KLF8: variants seen among roughly 807,000 people sequenced by gnomAD.
KLF8 encodes Krueppel-like factor 8.
Under a neutral mutation model 18.2 loss-of-function variants are expected in KLF8, and 10 were observed. That is an observed-to-expected ratio of 0.55 (90% confidence interval 0.34 to 0.93). The LOEUF is 0.93. Ranked by LOEUF, KLF8 falls within the 40% of genes least tolerant of loss-of-function variation. KLF8 has a pLI of 0.02. For synonymous variants in KLF8, 109 were observed against 97.3 expected, an observed-to-expected ratio of 1.12 and a Z score of -0.71; for missense variants, 264 against 277.9, an observed-to-expected ratio of 0.95 and a Z score of 0.36.
the KLF8 span, among the ~76,000 whole-genome samples, chrX:56,024,924 T>C: frequency 1.8e-5 from 2 of 112,249 alleles, no homozygotes; most frequent in East Asian, 2.8e-4. Flanking sequence ...GGTCTCTTTT[T>C]CTCTTCTCTC....
At chrX:56,074,094 T>C in the KLF8 span, among the ~76,000 whole-genome samples, 1 of 111,636 alleles carries the variant, frequency 9.0e-6, no homozygotes, top group East Asian at 2.8e-4. Context: ...TTTTTATTTC[T>C]TCTTTGGAAA....
rs2067304163 is a variant in KLF8, at chrX:56,289,729, T to A, written c.*5235T>A. Among the ~76,000 whole-genome samples the A allele has an allele frequency of 9.0e-6, 1 of 111,692 alleles. No individual in the cohort carries two copies. Among genetic ancestry groups the A allele is most frequent in the African/African-American group, 3.3e-5 (1 of 30,678 alleles). On this transcript the variant is annotated 3_prime_UTR_variant, in exon 6 of 6. Coordinates refer to ENST00000468660, the MANE Select transcript of KLF8 (RefSeq NM_007250.5). The stretch of plus-strand genomic sequence containing the variant: ...AATTCAGTGTGCACATATAGCAGTA[T>A]CTGAATTGTTAACCTGTATACCCAT...
the KLF8 span, among the ~76,000 whole-genome samples, chrX:56,021,219 GT>G: frequency 8.9e-6 from 1 of 111,842 alleles, no homozygotes; most frequent in Admixed American, 9.5e-5. Flanking sequence ...TTATTTGTAT[GT>G]ATCTTATTTC....
the KLF8 span, among the ~76,000 whole-genome samples, chrX:56,123,289 A>AAGAC: frequency 2.9e-5 from 3 of 103,528 alleles, no homozygotes; most frequent in African/African-American, 1.3e-4. Flanking sequence ...GAAAGAAAGA[A>AAGAC]AGAAAGAAAG....
the KLF8 span, among the ~76,000 whole-genome samples, chrX:56,189,758 A>G: frequency 9.4e-6 from 1 of 106,889 alleles, no homozygotes; most frequent in African/African-American, 3.4e-5. Flanking sequence ...TTCTCAGTAA[A>G]CTATCACGAG....
chrX:55,989,599 G>A, the KLF8 span, among the ~76,000 whole-genome samples: 2 of 112,132 alleles, frequency 1.8e-5, no homozygotes, highest in South Asian at 3.8e-4. Flanking sequence ...GCTGCATTCG[G>A]TTTGTCAGTA....
chrX:56,077,693 C>A, the KLF8 span, among the ~76,000 whole-genome samples: 10 of 111,560 alleles, frequency 9.0e-5, no homozygotes, highest in Non-Finnish European at 1.9e-4. Context: ...TCATTGGTAG[C>A]TTGATGGGGA....
chrX:56,242,928 G>A (rs2066566136), intron 1 of KLF8: 2 of 446,492 alleles, frequency 4.5e-6, no homozygotes, highest in Non-Finnish European at 8.3e-6. Flanking sequence ...TTAGTCAGCT[G>A]GACTCAGTTT....
At chrX:56,139,685 C>T in the KLF8 span, among the ~76,000 whole-genome samples, 1 of 111,447 alleles carries the variant, frequency 9.0e-6, no homozygotes, top group East Asian at 2.8e-4. Flanking sequence ...TAAAAGAAAA[C>T]CTAGGAAGTG....
chrX:56,081,961 C>A, the KLF8 span, among the ~76,000 whole-genome samples: 300 of 111,232 alleles, frequency 2.7e-3, no homozygotes, highest in Middle Eastern at 0.014. Flanking sequence ...TAAGTCTGGC[C>A]TCATAGGATA....
At chrX:56,092,249 T>A in the KLF8 span, among the ~76,000 whole-genome samples, 1 of 111,870 alleles carries the variant, frequency 8.9e-6, no homozygotes, top group Non-Finnish European at 1.9e-5. Flanking sequence ...TTGCAAATAC[T>A]TTCTTCCATT....
the KLF8 span, among the ~76,000 whole-genome samples, chrX:56,057,354 T>G: frequency 2.7e-5 from 3 of 110,709 alleles, no homozygotes; most frequent in Admixed American, 2.9e-4. Flanking sequence ...GGTGGTGGTT[T>G]GTATATTTGC....
chrX:56,079,727 T>C, the KLF8 span, among the ~76,000 whole-genome samples: 2 of 111,166 alleles, frequency 1.8e-5, no homozygotes, highest in Non-Finnish European at 3.8e-5. Context: ...CTTGTTGATC[T>C]GTCTAATGTT....
At chrX:55,929,971 G>A in the KLF8 span, among the ~76,000 whole-genome samples, 2 of 110,285 alleles carry the variant, frequency 1.8e-5, no homozygotes, top group East Asian at 2.8e-4. Context: ...ATTACCTTGG[G>A]CAGTATGGCC....
chrX:56,170,321 G>A, the KLF8 span, among the ~76,000 whole-genome samples: 5 of 110,498 alleles, frequency 4.5e-5, no homozygotes, highest in East Asian at 8.6e-4. Context: ...AGGAAAACAT[G>A]ACCTCACCAA....
chrX:56,200,818 T>A, the KLF8 span, among the ~76,000 whole-genome samples: 2 of 111,596 alleles, frequency 1.8e-5, no homozygotes, highest in Non-Finnish European at 3.8e-5. Context: ...TGACTAGACA[T>A]TTTTTTCCAA....
At chrX:56,084,354 G>A in the KLF8 span, among the ~76,000 whole-genome samples, 34 of 111,108 alleles carry the variant, frequency 3.1e-4, no homozygotes, top group Non-Finnish European at 5.7e-4. Context: ...CTGCACTCCA[G>A]CCTGGGCCAT....
At chrX:55,908,234 G>A in the KLF8 span, 1 of 240,499 alleles carries the variant, frequency 4.2e-6, no homozygotes, top group Non-Finnish European at 7.4e-6. Flanking sequence ...AGGACAAAGG[G>A]GGCGGGGAGG....
chrX:56,001,642 A>G, the KLF8 span, among the ~76,000 whole-genome samples: 1 of 111,949 alleles, frequency 8.9e-6, no homozygotes, highest in African/African-American at 3.2e-5. Context: ...ATATGCATTC[A>G]CTGGGTACAT....
Sources: gnomAD v4.1 joint callset for allele counts (sites outside exome capture counted in the v4.1 genomes callset) on GRCh38, gnomAD v4.1.1 for gene constraint, MANE v1.5 for transcripts, NCBI Gene and HGNC (gene_info 2026-07-23, HGNC 2026-07-21) for gene names.